The following APAF1 variants were observed in gnomAD, a reference collection of about 807,000 sequenced individuals.
The protein encoded by APAF1 is apoptotic protease-activating factor 1.
APAF1 carries 91 observed loss-of-function variants against 152.4 expected under a neutral mutation model. That is an observed-to-expected ratio of 0.60 (90% CI 0.50 to 0.71). The LOEUF is 0.71. APAF1 is among the 30% of genes least tolerant of loss of function. APAF1 has a pLI of 0.00. For missense variants in APAF1, 1,283 were observed against 1,472.0 expected, an observed-to-expected ratio of 0.87 and a Z score of 2.10; for synonymous variants, 484 against 494.1, an observed-to-expected ratio of 0.98 and a Z score of 0.27.
chr12:98,691,633 T>C (rs2097704328), intron 16 of APAF1, among the ~76,000 whole-genome samples: 1 of 152,218 alleles, frequency 6.6e-6, no homozygotes, highest in South Asian at 2.1e-4. Context: ...TCTGGATTAG[T>C]GTGAAATCTG....
chr12:98,703,965 C>G (rs1345448511), intron 18 of APAF1, among the ~76,000 whole-genome samples: 1 of 152,122 alleles, frequency 6.6e-6, no homozygotes, highest in Non-Finnish European at 1.5e-5. Flanking sequence ...AATAAAATAA[C>G]TCATATAAAT....
rs140961577 is a variant in APAF1 at position 98,657,010 on chromosome 12, A to T, written c.527-2150A>T. 2.4e-3 allele frequency among the ~76,000 whole-genome samples: 368 copies of T among 152,280 alleles called. 2 individuals carry two copies. The highest frequency in any genetic ancestry group is 3.4e-3 in the Middle Eastern group (1 of 294). ...CTTAGTGATTTTGATACCTGTGTGG[A>T]TGAGTCATCCAAAACCTTAACCTCT... On this transcript the variant is annotated intron_variant, in intron 4 of 26. Transcript: ENST00000551964.
rs751656516 is a variant in APAF1, at chr12:98,676,209, CTTA to C, written c.1794-1210_1794-1208del. ...AAGTATACATTACATTCCTTTACAC[CTTA>C]TTATTTATTTATTTATTTAGAAACA... On this transcript the variant is annotated intron_variant, in intron 12 of 26. Transcript: ENST00000551964. 5.5e-4 allele frequency among the ~76,000 whole-genome samples: 84 copies of C among 152,076 alleles called. 2 individuals carry two copies. Among genetic ancestry groups the C allele is most frequent in the Non-Finnish European group, 7.4e-4 (50 of 67,960 alleles).
intron 16 of APAF1, among the ~76,000 whole-genome samples, chr12:98,697,871 A>G (rs2097711474): frequency 6.6e-6 from 1 of 152,224 alleles, no homozygotes; most frequent in African/African-American, 2.4e-5. Context: ...AGCATTTTGT[A>G]GGGTATCATG....
At chr12:98,651,893 C>T (rs2097649429) in intron 4 of APAF1, among the ~76,000 whole-genome samples, 1 of 152,190 alleles carries the variant, frequency 6.6e-6, no homozygotes, top group Non-Finnish European at 1.5e-5. Flanking sequence ...TGGCTCCCTG[C>T]AACCTCTGCC....
chr12:98,697,722 A>T (rs868022101), intron 16 of APAF1, among the ~76,000 whole-genome samples: 1 of 152,196 alleles, frequency 6.6e-6, no homozygotes, highest in Admixed American at 6.5e-5. Context: ...TGATATAATG[A>T]CAGGTAGTAA....
chr12:98,707,777 T>C (rs1359442177), intron 19 of APAF1, among the ~76,000 whole-genome samples: 1 of 151,628 alleles, frequency 6.6e-6, no homozygotes, highest in African/African-American at 2.4e-5. Flanking sequence ...AGAGAAAGAC[T>C]GAGAAAGGTC....
At position 98,732,498 on chromosome 12, in the gene APAF1, C is replaced by G. The variant is rs1440143134; in HGVS notation, c.3679C>G (p.Pro1227Ala). 1 of 1,595,096 alleles carries G rather than the reference C, an allele frequency of 6.3e-7. No homozygotes were observed. Among genetic ancestry groups the G allele is most frequent in the South Asian group, 1.1e-5 (1 of 90,680 alleles). Residue 1227 changes from proline to alanine, a missense_variant, in exon 27 of 27, where the codon CCT (proline) becomes GCT (alanine). By Grantham distance (27) the Pro-to-Ala change is conservative (BLOSUM62 -1). Coordinates refer to ENST00000551964, the MANE Select transcript of APAF1 (RefSeq NM_181861.2). ...CAATCTTAAGAAAATACACGTGTCC[C>G]CTGACTTCAAAACATATGTGACTGT... ...GTNLKKIHVS[P>A]DFKTYVTVDN...
chr12:98,725,176 A>G (rs2097748642), intron 24 of APAF1, among the ~76,000 whole-genome samples: 2 of 152,230 alleles, frequency 1.3e-5, no homozygotes. Flanking sequence ...TCTTCTGTCT[A>G]GGTCTAAATT....
At chr12:98,688,078 T>G (rs1334598641) in intron 16 of APAF1, among the ~76,000 whole-genome samples, 1 of 152,180 alleles carries the variant, frequency 6.6e-6, no homozygotes, top group African/African-American at 2.4e-5. Context: ...TATTATTGCT[T>G]TCTTGTTTTT....
At position 98,733,067 on chromosome 12, in the gene APAF1, G is replaced by A. The variant is rs991908570; in HGVS notation, c.*501G>A. 6.3e-6 allele frequency: 1 copy of A among 158,618 alleles called. No individual in the cohort carries two copies. Among genetic ancestry groups the A allele is most frequent in the African/African-American group, 2.4e-5 (1 of 41,406 alleles). The allele number at this position is 158,618 out of a possible 1,614,324, so 9.8% of individuals were successfully genotyped here. A position where few individuals can be genotyped will look rare whatever the true frequency, so the allele number is the denominator to read the frequency against. On this transcript the variant is annotated 3_prime_UTR_variant, in exon 27 of 27. Transcript: ENST00000551964. ...TTTGCTTTAAAAATATTGTGTCTGT[G>A]TGCATAGTCTGCAGCATTTCCTTTA...
At chr12:98,712,566 G>A in intron 21 of APAF1, 131 bp downstream of exon 21, 4 of 671,860 alleles carry the variant, frequency 6.0e-6, no homozygotes, top group Non-Finnish European at 8.0e-6. Context: ...CACCCACGCT[G>A]AGTACAGTGA....
chr12:98,658,696 A>G (rs1048674819), intron 4 of APAF1, among the ~76,000 whole-genome samples: 3 of 152,258 alleles, frequency 2.0e-5, no homozygotes, highest in African/African-American at 7.2e-5. Context: ...ACATTTGACA[A>G]TGTTTGGAGA....
rs1353820924 is a variant in APAF1 at position 98,735,301 on chromosome 12, G to T, written c.*2735G>T. 4 of 400,154 alleles carry T rather than the reference G, an allele frequency of 1.0e-5. No individual in the cohort carries two copies. The highest frequency in any genetic ancestry group is 1.8e-5 in the Non-Finnish European group (4 of 227,268). 24.8% of individuals were successfully genotyped at this position (400,154 alleles called of 1,614,324 possible). Reference sequence around the variant, plus strand: ...TATATAATTTTTTTTTACATTATATGTCTCTTGTATGTTTTGAAACTCTTG... The same window carrying T: ...TATATAATTTTTTTTTACATTATATTTCTCTTGTATGTTTTGAAACTCTTG... On this transcript the variant is annotated 3_prime_UTR_variant, in exon 27 of 27. Coordinates refer to ENST00000551964, the MANE Select transcript of APAF1 (RefSeq NM_181861.2).
At position 98,649,661 on chromosome 12, in the gene APAF1, T is replaced by C; in HGVS notation, c.503T>C (p.Val168Ala). ...CGKSVLAAEA[V>A]RDHSLLEGCF... ...AAGTCTGTATTAGCTGCAGAAGCTG[T>C]TAGAGATCATTCCCTTTTAGAAGGT... Residue 168 changes from valine (V) to alanine (A), a missense_variant, in exon 4 of 27, where the codon GTT becomes GCT. Val to Ala is a moderately conservative substitution (Grantham distance 64, BLOSUM62 0). Coordinates refer to ENST00000551964, the MANE Select transcript of APAF1 (RefSeq NM_181861.2). 1 of 1,614,070 alleles carries C rather than the reference T, an allele frequency of 6.2e-7. No individual in the cohort carries two copies. The highest frequency in any genetic ancestry group is 8.5e-7 in the Non-Finnish European group (1 of 1,179,940).
At chr12:98,650,547 GAC>G (rs1035885774) in intron 4 of APAF1, among the ~76,000 whole-genome samples, 5 of 151,194 alleles carry the variant, frequency 3.3e-5, no homozygotes, top group Non-Finnish European at 5.9e-5. Flanking sequence ...CTACGGTTAA[GAC>G]AGTTTAGACA....
intron 5 of APAF1, among the ~76,000 whole-genome samples, chr12:98,660,582 C>T (rs937719452): frequency 7.2e-5 from 11 of 152,170 alleles, no homozygotes; most frequent in African/African-American, 2.4e-4. Context: ...AGTTTAGTTG[C>T]TGCTTGTCTT....
chr12:98,665,033 C>A (rs965689493), intron 7 of APAF1, among the ~76,000 whole-genome samples: 1 of 151,336 alleles, frequency 6.6e-6, no homozygotes, highest in Non-Finnish European at 1.5e-5. Flanking sequence ...CTTAATCATT[C>A]TTTTCTTTTT....
intron 14 of APAF1, 106 bp from the exon 15 acceptor site, chr12:98,683,035 CTA>C: frequency 1.2e-6 from 1 of 859,990 alleles, no homozygotes; most frequent in East Asian, 2.6e-5. Context: ...GGAAAATCTG[CTA>C]TGACAGGATA....
Sources: allele counts gnomAD v4.1 joint callset (sites outside exome capture counted in the v4.1 genomes callset), GRCh38; gene constraint gnomAD v4.1.1; transcripts MANE v1.5; gene names NCBI Gene and HGNC (gene_info 2026-07-23, HGNC 2026-07-21).